The following INTS4 variants were observed in gnomAD, a reference collection of about 807,000 sequenced individuals.
The protein encoded by INTS4 is integrator complex subunit 4.
In INTS4, 70 loss-of-function variants were observed where a neutral mutation model predicts 119.5. That is an observed-to-expected ratio of 0.59 (90% CI 0.48 to 0.71). The LOEUF is 0.71. INTS4 is among the 30% of genes least tolerant of loss of function. The pLI, the probability that INTS4 is intolerant of heterozygous loss-of-function variation, is 0.00. For synonymous variants in INTS4, 316 were observed against 419.6 expected, an observed-to-expected ratio of 0.75 and a Z score of 3.02; for missense variants, 867 against 1,173.2, an observed-to-expected ratio of 0.74 and a Z score of 3.81.
downstream of INTS4, among the ~76,000 whole-genome samples, chr11:77,878,158 C>T (rs192473715): frequency 5.9e-5 from 9 of 152,026 alleles, no homozygotes; most frequent in South Asian, 2.1e-4. Flanking sequence ...GTCAGGAGAT[C>T]AAGACCATCC....
At chr11:77,894,583 A>G (rs1952430598) in intron 18 of INTS4, among the ~76,000 whole-genome samples, 1 of 152,218 alleles carries the variant, frequency 6.6e-6, no homozygotes, top group South Asian at 2.1e-4. Flanking sequence ...TAAAAATCAA[A>G]GAGTATCACA....
chr11:77,981,816 G>A (rs1856239953), intron 2 of INTS4, among the ~76,000 whole-genome samples: 1 of 151,878 alleles, frequency 6.6e-6, no homozygotes, highest in Non-Finnish European at 1.5e-5. Context: ...AGCCTGGAGT[G>A]CAGTGCGTGA....
In INTS4 at chr11:77,883,853, G is replaced by C. The variant is rs777365865; in HGVS notation, c.2692C>G (p.Leu898Val). ...GRHRLITQVY[L>V]SHTAWTEACQ... ...TTACCTGTCCAAGCGGTGTGGGAGA[G>C]ATAAACCTGAGTGATGAGCCGGTGC... Residue 898 changes from leucine to valine, a missense_variant, in exon 22 of 23, where the codon CTC (leucine) becomes GTC (valine). This residue lies in a region of INTS4 where 122 missense variants were observed against 133.2 expected (regional missense o/e 0.92). Transcript: ENST00000534064. 1.2e-6 allele frequency: 2 copies of C among 1,612,740 alleles called. No homozygotes were observed. The highest frequency in any genetic ancestry group is 1.3e-5 in the African/African-American group (1 of 74,894).
intron 5 of INTS4, 68 bp from the exon 6 acceptor site, chr11:77,960,459 A>G (rs1045820859): frequency 6.0e-6 from 7 of 1,169,470 alleles, no homozygotes; most frequent in East Asian, 2.4e-5. Context: ...TCTCCCCACA[A>G]TCTCACATAT....
chr11:77,910,640 A>T (rs185106614), intron 15 of INTS4, among the ~76,000 whole-genome samples: 1 of 152,324 alleles, frequency 6.6e-6, no homozygotes, highest in African/African-American at 2.4e-5. Flanking sequence ...TTTTTTGAAT[A>T]GTTAATACAT....
At chr11:77,942,815 C>T (rs1428083447) in intron 8 of INTS4, among the ~76,000 whole-genome samples, 1 of 152,170 alleles carries the variant, frequency 6.6e-6, no homozygotes, top group Non-Finnish European at 1.5e-5. Context: ...CTTATACAGG[C>T]TCAGATCTTT....
At chr11:77,923,249 C>T (rs1030308709) in intron 12 of INTS4, among the ~76,000 whole-genome samples, 5 of 137,736 alleles carry the variant, frequency 3.6e-5, no homozygotes, top group South Asian at 4.8e-4. Flanking sequence ...ACCTGGAAGG[C>T]GGAGGTTCAG....
At chr11:77,963,687 T>TC (rs1409553947) in intron 4 of INTS4, among the ~76,000 whole-genome samples, 1 of 151,604 alleles carries the variant, frequency 6.6e-6, no homozygotes, top group Non-Finnish European at 1.5e-5. Context: ...CGATATGGAT[T>TC]TTTTTTTTCT....
chr11:77,919,855 C>T (rs1428137127), intron 14 of INTS4, among the ~76,000 whole-genome samples: 1 of 152,110 alleles, frequency 6.6e-6, no homozygotes, highest in Non-Finnish European at 1.5e-5. Context: ...GTCGCCCAGG[C>T]GGGAGTGCAG....
intron 1 of INTS4, 83 bp downstream of exon 1, chr11:77,994,507 T>A (rs1856822115): frequency 9.2e-7 from 1 of 1,089,748 alleles, no homozygotes; most frequent in South Asian, 1.2e-5. Flanking sequence ...GTATGGAGCC[T>A]CTTCTGTTCC....
intron 19 of INTS4, among the ~76,000 whole-genome samples, chr11:77,892,732 A>G (rs1048089290): frequency 1.3e-5 from 2 of 152,034 alleles, no homozygotes; most frequent in African/African-American, 4.8e-5. Context: ...ACAGCTGCCC[A>G]CCACCACGCC....
intron 15 of INTS4, chr11:77,915,088 T>C: frequency 5.5e-6 from 1 of 182,698 alleles, no homozygotes; most frequent in Non-Finnish European, 1.2e-5. Context: ...TCTGCAGCCC[T>C]TTTGGCTGAT....
chr11:77,989,241 A>G (rs1259380857), intron 2 of INTS4, among the ~76,000 whole-genome samples: 1 of 152,212 alleles, frequency 6.6e-6, no homozygotes, highest in East Asian at 1.9e-4. Context: ...TAATCCCAGC[A>G]CTTTGGGAGG....
chr11:77,961,345 A>G (rs1954471747), intron 4 of INTS4, among the ~76,000 whole-genome samples: 1 of 151,964 alleles, frequency 6.6e-6, no homozygotes, highest in Admixed American at 6.6e-5. Context: ...TTAGAAAATA[A>G]AAGTCCTAGT....
intron 10 of INTS4, 118 bp from the exon 11 acceptor site, chr11:77,928,665 G>A: frequency 7.0e-7 from 1 of 1,428,780 alleles, no homozygotes. Flanking sequence ...TATGCAATGT[G>A]GTAAAACTCT....
chr11:77,908,520 G>C (rs1255737292), intron 15 of INTS4, among the ~76,000 whole-genome samples: 1 of 152,120 alleles, frequency 6.6e-6, no homozygotes, highest in Middle Eastern at 3.4e-3. Flanking sequence ...GTAGAGACAG[G>C]GTTTCACCAT....
At chr11:77,981,217 T>C (rs1049966327) in intron 3 of INTS4, among the ~76,000 whole-genome samples, 76 of 108,088 alleles carry the variant, frequency 7.0e-4, no homozygotes, top group Non-Finnish European at 1.1e-3. Flanking sequence ...AAAGGGACAA[T>C]AATGTCTATA....
intron 8 of INTS4, among the ~76,000 whole-genome samples, chr11:77,949,579 A>T: frequency 6.6e-6 from 1 of 152,280 alleles, no homozygotes; most frequent in East Asian, 1.9e-4. Flanking sequence ...CACTTCTCAA[A>T]AGAAGACATT....
At chr11:77,894,720 T>C (rs956072104) in intron 18 of INTS4, among the ~76,000 whole-genome samples, 1 of 152,318 alleles carries the variant, frequency 6.6e-6, no homozygotes, top group Middle Eastern at 3.4e-3. Flanking sequence ...ATGGTCTCTA[T>C]ACCTACCTGA....
Sources: allele counts gnomAD v4.1 joint callset (sites outside exome capture counted in the v4.1 genomes callset), GRCh38; gene constraint gnomAD v4.1.1; regional missense constraint gnomAD v4.1.1; transcripts MANE v1.5; gene names NCBI Gene and HGNC (gene_info 2026-07-23, HGNC 2026-07-21).